Variants in COL4A4 observed in about 807,000 individuals in gnomAD.
COL4A4 encodes the protein collagen type IV alpha 4 chain, also known as collagen alpha-4(IV) chain.
Under a neutral mutation model 192.9 loss-of-function variants are expected in COL4A4, and 105 were observed. The ratio of observed to expected loss-of-function variants is 0.54; its 90% CI spans 0.46 to 0.64. The LOEUF is 0.64. COL4A4 is among the 30% of genes least tolerant of loss of function. The pLI, the probability that COL4A4 is intolerant of heterozygous loss-of-function variation, is 0.00. For synonymous variants in COL4A4, 762 were observed against 769.9 expected, an observed-to-expected ratio of 0.99 and a Z score of 0.17; for missense variants, 1,967 against 2,169.3, an observed-to-expected ratio of 0.91 and a Z score of 1.85.
At chr2:227,090,046 C>T in intron 20 of COL4A4, 89 bp from the exon 21 acceptor site, 1 of 972,258 alleles carries the variant, frequency 1.0e-6, no homozygotes. Context: ...CACTCACATC[C>T]TCCCCCACGT....
At chr2:227,136,475 G>A in intron 4 of COL4A4, among the ~76,000 whole-genome samples, 1 of 152,152 alleles carries the variant, frequency 6.6e-6, no homozygotes, top group Non-Finnish European at 1.5e-5. Flanking sequence ...AGGGTCAAAG[G>A]GGCAGTAATG....
At position 227,012,296 on chromosome 2, in the gene COL4A4, C is replaced by A. The variant is rs1329816117; in HGVS notation, c.4218G>T (p.Gly1406=). The stretch of plus-strand genomic sequence containing the variant: ...CATCCAGCCCAGGCTCTCCTTTGCA[C>A]CCTGCACAAAAGTTTATGATGCTGG... ...LPGMRGPSGP[G]CKGEPGLDGR... is the part of the protein sequence containing the mutation. The change falls in exon 45 of 48, where the codon GGG becomes GGT. Residue 1406 remains glycine (G), a splice_region_variant and synonymous_variant. Transcript: ENST00000396625. 4 of 1,613,298 alleles carry A rather than the reference C, an allele frequency of 2.5e-6. No homozygotes were observed. The highest frequency in any genetic ancestry group is 3.4e-6 in the Non-Finnish European group (4 of 1,179,494).
intron 4 of COL4A4, among the ~76,000 whole-genome samples, chr2:227,127,070 A>C (rs970886380): frequency 1.3e-5 from 2 of 152,234 alleles, no homozygotes; most frequent in Admixed American, 1.3e-4. Flanking sequence ...TCCACCACCA[A>C]CAATAACCTG....
chr2:227,100,338 A>G (rs11894477), intron 17 of COL4A4, among the ~76,000 whole-genome samples: 6,670 of 146,078 alleles, frequency 0.046, 483 homozygotes, highest in African/African-American at 0.16. Context: ...GAACATAATA[A>G]TGCTTAATAT....
chr2:226,983,980 C>A, the COL4A4 span, among the ~76,000 whole-genome samples: 1 of 152,314 alleles, frequency 6.6e-6, no homozygotes, highest in Non-Finnish European at 1.5e-5. Context: ...GAGGAACTGT[C>A]CCTGCTCGTA....
chr2:227,119,784 ATT>A (rs1221434266), intron 6 of COL4A4, 109 bp downstream of exon 6: 2 of 452,500 alleles, frequency 4.4e-6, no homozygotes, highest in African/African-American at 4.2e-5. Flanking sequence ...TAATATATAT[ATT>A]GTGGTTTCTA....
At chr2:227,124,757 C>A (rs2061991144) in intron 4 of COL4A4, among the ~76,000 whole-genome samples, 1 of 152,182 alleles carries the variant, frequency 6.6e-6, no homozygotes, top group African/African-American at 2.4e-5. Context: ...CTTCAGAGCA[C>A]CTTTCTGTCT....
intron 23 of COL4A4, among the ~76,000 whole-genome samples, chr2:227,081,305 G>A (rs1390031158): frequency 6.6e-6 from 1 of 152,234 alleles, no homozygotes; most frequent in Non-Finnish European, 1.5e-5. Flanking sequence ...AACAAAGCAG[G>A]TGGAAGAAGG....
chr2:226,995,415 G>A, the COL4A4 span: 5 of 1,542,380 alleles, frequency 3.2e-6, no homozygotes, highest in Non-Finnish European at 2.7e-6. Flanking sequence ...TTTTTCCTTT[G>A]GCTTTCTCAC....
At chr2:227,050,955 C>G (rs1225017521) in intron 33 of COL4A4, 22 bp downstream of exon 33, 3 of 1,614,110 alleles carry the variant, frequency 1.9e-6, no homozygotes, top group Middle Eastern at 1.7e-4. Flanking sequence ...GTCTCTTCCC[C>G]CACAAAGCAG....
chr2:227,015,609 A>G (rs1964699399), intron 44 of COL4A4, among the ~76,000 whole-genome samples: 1 of 152,184 alleles, frequency 6.6e-6, no homozygotes, highest in Admixed American at 6.5e-5. Flanking sequence ...GACTTGCTCA[A>G]TGTCTTCATT....
chr2:227,054,447 TA>T, intron 31 of COL4A4, 146 bp downstream of exon 31: 1 of 869,398 alleles, frequency 1.2e-6, no homozygotes, highest in Non-Finnish European at 1.8e-6. Flanking sequence ...GAATTTTGTT[TA>T]AAATTCTAAA....
intron 17 of COL4A4, among the ~76,000 whole-genome samples, chr2:227,100,312 T>A (rs1182023316): frequency 6.6e-6 from 1 of 152,112 alleles, no homozygotes; most frequent in Non-Finnish European, 1.5e-5. Context: ...TTCAAAAGGA[T>A]CACTTCTCAA....
intron 28 of COL4A4, 49 bp downstream of exon 28, chr2:227,059,356 C>G (rs1559519794): frequency 1.3e-6 from 2 of 1,515,466 alleles, no homozygotes; most frequent in Admixed American, 3.3e-5. Flanking sequence ...TGACCTGTTC[C>G]AAAACTGAGC....
the COL4A4 span, among the ~76,000 whole-genome samples, chr2:226,967,400 A>G: frequency 6.6e-6 from 1 of 152,046 alleles, no homozygotes; most frequent in Non-Finnish European, 1.5e-5. Context: ...TATTATTATT[A>G]TACTTTAAAT....
the COL4A4 span, among the ~76,000 whole-genome samples, chr2:226,990,669 T>C: frequency 1.3e-5 from 2 of 152,164 alleles, no homozygotes; most frequent in Admixed American, 6.5e-5. Context: ...CTACTGCATT[T>C]TACATAAGGG....
At chr2:227,067,273 C>A (rs2058402605) in intron 25 of COL4A4, among the ~76,000 whole-genome samples, 1 of 152,038 alleles carries the variant, frequency 6.6e-6, no homozygotes, top group South Asian at 2.1e-4. Flanking sequence ...TAATGGGAGA[C>A]TTTAACACTC....
chr2:227,008,341 A>G (rs756635726), intron 46 of COL4A4, 37 bp from the exon 47 acceptor site: 8 of 1,608,660 alleles, frequency 5.0e-6, no homozygotes, highest in Non-Finnish European at 6.8e-6. Context: ...GTGTCCAAGC[A>G]CCCCATGTAG....
intron 46 of COL4A4, among the ~76,000 whole-genome samples, chr2:227,009,733 AAAGAG>A (rs1056558676): frequency 9.5e-5 from 7 of 73,350 alleles, no homozygotes; most frequent in African/African-American, 4.6e-4. Context: ...AGAGAAGAGA[AAAGAG>A]AAGAGAAGAG....
Sources: allele counts gnomAD v4.1 joint callset (sites outside exome capture counted in the v4.1 genomes callset), GRCh38; gene constraint gnomAD v4.1.1; transcripts MANE v1.5; gene names NCBI Gene and HGNC (gene_info 2026-07-23, HGNC 2026-07-21).